IGFL2: variants seen among roughly 807,000 people sequenced by gnomAD.
The protein encoded by IGFL2 is insulin growth factor-like family member 2.
Under a neutral mutation model 13.9 loss-of-function variants are expected in IGFL2, and 7 were observed. The ratio of observed to expected loss-of-function variants is 0.51; its 90% confidence interval spans 0.29 to 0.95. The LOEUF is 0.95. IGFL2 is among the 40% of genes least tolerant of loss of function. The pLI, the probability that IGFL2 is intolerant of heterozygous loss-of-function variation, is 0.08. For missense variants in IGFL2, 138 were observed against 147.8 expected (o/e 0.93, Z 0.34); for synonymous variants, 55 against 55.8 (o/e 0.99, Z 0.07).
the IGFL2 span, among the ~76,000 whole-genome samples, chr19:46,189,435 G>A: frequency 6.6e-6 from 1 of 152,166 alleles, no homozygotes; most frequent in Non-Finnish European, 1.5e-5. Context: ...CCTGACGGAT[G>A]TCAGGCCCTC....
chr19:46,112,718 C>A, the IGFL2 span, among the ~76,000 whole-genome samples: 1 of 152,212 alleles, frequency 6.6e-6, no homozygotes, highest in Admixed American at 6.5e-5. Context: ...TGGGAGTAGA[C>A]AGCTTGTCGC....
chr19:46,160,537 C>G, intron 2 of IGFL2, 69 bp downstream of exon 2: 1 of 1,612,292 alleles, frequency 6.2e-7, no homozygotes, highest in Non-Finnish European at 8.5e-7. Flanking sequence ...TGGGGGTTCA[C>G]AGAGGGCTCC....
chr19:46,116,568 G>T, the IGFL2 span, among the ~76,000 whole-genome samples: 4 of 152,156 alleles, frequency 2.6e-5, no homozygotes, highest in African/African-American at 9.7e-5. Flanking sequence ...TTACAGATGA[G>T]GTTTCACTCT....
chr19:46,190,784 T>TGTG, the IGFL2 span, among the ~76,000 whole-genome samples: 17 of 152,236 alleles, frequency 1.1e-4, no homozygotes, highest in Admixed American at 5.2e-4. Flanking sequence ...CAAAAATGCA[T>TGTG]GTGGCTTTAG....
the IGFL2 span, among the ~76,000 whole-genome samples, chr19:46,133,069 G>T: frequency 1.3e-5 from 2 of 152,232 alleles, no homozygotes; most frequent in Admixed American, 1.3e-4. Context: ...TGGCAGGCTG[G>T]AGAAAGACTC....
chr19:46,099,815 C>A, the IGFL2 span, among the ~76,000 whole-genome samples: 255 of 152,116 alleles, frequency 1.7e-3, no homozygotes, highest in African/African-American at 6.0e-3. Flanking sequence ...GATGAGTCAC[C>A]GAGCCTGTGC....
chr19:46,172,592 C>T, the IGFL2 span, among the ~76,000 whole-genome samples: 1 of 152,180 alleles, frequency 6.6e-6, no homozygotes, highest in African/African-American at 2.4e-5. Flanking sequence ...GCTGGGATTA[C>T]AGGCATGTGC....
upstream of IGFL2, chr19:46,147,952 T>C: frequency 3.2e-6 from 1 of 312,574 alleles, no homozygotes; most frequent in Non-Finnish European, 5.8e-6. Context: ...CCAAGGAATC[T>C]CTTTCAAGTC....
chr19:46,152,681 T>G (rs1973569133), intron 1 of IGFL2, among the ~76,000 whole-genome samples: 1 of 152,248 alleles, frequency 6.6e-6, no homozygotes, highest in African/African-American at 2.4e-5. Context: ...CTTGCCTAAC[T>G]TTCATGGCTT....
At chr19:46,136,255 T>A in the IGFL2 span, among the ~76,000 whole-genome samples, 1 of 152,060 alleles carries the variant, frequency 6.6e-6, no homozygotes, top group African/African-American at 2.4e-5. Flanking sequence ...CTTTATATAG[T>A]CCCAGATTTC....
upstream of IGFL2, among the ~76,000 whole-genome samples, chr19:46,139,381 T>G (rs1485560369): frequency 1.3e-5 from 2 of 151,806 alleles, no homozygotes; most frequent in Non-Finnish European, 2.9e-5. Flanking sequence ...CAAATTGAAT[T>G]CTAAGATTTT....
chr19:46,168,899 A>AGTGTGTGTGT, the IGFL2 span, among the ~76,000 whole-genome samples: 9 of 140,554 alleles, frequency 6.4e-5, no homozygotes, highest in Non-Finnish European at 1.2e-4. Flanking sequence ...CAGTAGATTG[A>AGTGTGTGTGT]GTGTGTGTGT....
At chr19:46,127,060 A>G in the IGFL2 span, among the ~76,000 whole-genome samples, 1 of 152,036 alleles carries the variant, frequency 6.6e-6, no homozygotes, top group African/African-American at 2.4e-5. Context: ...AGCTTTTCGT[A>G]TTTTCTCTCC....
At chr19:46,109,435 C>T in the IGFL2 span, among the ~76,000 whole-genome samples, 2 of 152,038 alleles carry the variant, frequency 1.3e-5, no homozygotes. Flanking sequence ...CTGCCTCAGC[C>T]TCCCGAGTAG....
the IGFL2 span, chr19:46,196,358 C>T: frequency 0.56 from 97,740 of 173,976 alleles, 28,806 homozygotes; most frequent in Non-Finnish European, 0.67. Flanking sequence ...TCATCCCTGT[C>T]CCCATGCCTG....
At chr19:46,153,666 T>C (rs181372558) in intron 1 of IGFL2, among the ~76,000 whole-genome samples, 102 of 152,122 alleles carry the variant, frequency 6.7e-4, no homozygotes, top group African/African-American at 2.4e-3. Flanking sequence ...TAATTGCTTA[T>C]ATAATTACAC....
the IGFL2 span, chr19:46,197,277 T>A: frequency 1.6e-5 from 3 of 192,998 alleles, no homozygotes; most frequent in African/African-American, 2.3e-5. Context: ...ATAACAGGCT[T>A]TGTCACAGGT....
At chr19:46,107,255 A>T in the IGFL2 span, among the ~76,000 whole-genome samples, 1 of 152,120 alleles carries the variant, frequency 6.6e-6, no homozygotes, top group East Asian at 1.9e-4. Context: ...TGTAAGAGTT[A>T]CCTAAAGCTG....
the IGFL2 span, among the ~76,000 whole-genome samples, chr19:46,170,185 C>T: frequency 6.6e-6 from 1 of 151,890 alleles, no homozygotes; most frequent in South Asian, 2.1e-4. Context: ...GAATCGGGCT[C>T]TCAAGCTTGA....
Sources: allele counts gnomAD v4.1 joint callset (sites outside exome capture counted in the v4.1 genomes callset), GRCh38; gene constraint gnomAD v4.1.1; transcripts MANE v1.5; gene names NCBI Gene and HGNC (gene_info 2026-07-23, HGNC 2026-07-21).